Variants in SAXO1 observed in about 807,000 individuals in gnomAD.
SAXO1 encodes 4930500O09Rik.
SAXO1 carries 21 observed loss-of-function variants against 17.5 expected under a neutral mutation model. The observed-to-expected ratio is 1.20, with a 90% CI of 0.85 to 1.72. SAXO1 has a LOEUF of 1.72. Among genes scored for constraint, SAXO1 ranks in the 40% most tolerant of loss-of-function variants. The probability of loss-of-function intolerance (pLI) is 0.00; values close to 1 mark genes in which losing one functional copy is unlikely to be tolerated. For missense variants in SAXO1, 843 were observed against 596.0 expected, an observed-to-expected ratio of 1.41 and a Z score of -4.32; for synonymous variants, 274 against 216.5, an observed-to-expected ratio of 1.27 and a Z score of -2.33.
At chr9:19,002,471 T>A (rs1834317445) in intron 1 of SAXO1, among the ~76,000 whole-genome samples, 1 of 152,198 alleles carries the variant, frequency 6.6e-6, no homozygotes, top group Non-Finnish European at 1.5e-5. Flanking sequence ...ATATCCCTGA[T>A]GAACATCGAT....
At chr9:18,932,807 A>T (rs1932456) in intron 3 of SAXO1, among the ~76,000 whole-genome samples, 53 of 152,182 alleles carry the variant, frequency 3.5e-4, no homozygotes, top group African/African-American at 1.3e-3. Context: ...AAAAGAGAAC[A>T]GTTTTCTTGA....
intron 1 of SAXO1, chr9:19,026,930 T>G (rs1835498144): frequency 1.2e-6 from 1 of 822,700 alleles, no homozygotes; most frequent in South Asian, 1.3e-5. Flanking sequence ...AAGATGGAAC[T>G]GGGGTGGAGG....
intron 1 of SAXO1, among the ~76,000 whole-genome samples, chr9:19,002,452 T>C (rs940820463): frequency 3.3e-5 from 5 of 152,184 alleles, no homozygotes; most frequent in African/African-American, 1.2e-4. Context: ...AAAAGAGAAT[T>C]TTAGGCCAAT....
chr9:19,025,844 A>G (rs1835448819), intron 1 of SAXO1, among the ~76,000 whole-genome samples: 4 of 151,776 alleles, frequency 2.6e-5, no homozygotes, highest in Admixed American at 2.6e-4. Context: ...GAGATTTGCT[A>G]TTTATATTAC....
intron 1 of SAXO1, among the ~76,000 whole-genome samples, chr9:18,998,626 T>C (rs767095200): frequency 7.2e-5 from 11 of 152,094 alleles, no homozygotes; most frequent in Non-Finnish European, 1.6e-4. Flanking sequence ...ACCACAAAGA[T>C]ACTCCATGAG....
intron 1 of SAXO1, among the ~76,000 whole-genome samples, chr9:19,003,155 A>G (rs995700865): frequency 6.6e-6 from 1 of 152,218 alleles, no homozygotes; most frequent in Non-Finnish European, 1.5e-5. Flanking sequence ...TACTACAAAG[A>G]GAATAAAATA....
At chr9:19,024,484 C>T (rs111689755) in intron 1 of SAXO1, among the ~76,000 whole-genome samples, 4,215 of 152,084 alleles carry the variant, frequency 0.028, 87 homozygotes, top group Middle Eastern at 0.058. Flanking sequence ...AGGAGATATA[C>T]CTAATGCTAA....
chr9:19,044,371 A>C (rs1836151502), intron 1 of SAXO1, among the ~76,000 whole-genome samples: 1 of 152,214 alleles, frequency 6.6e-6, no homozygotes, highest in Admixed American at 6.5e-5. Context: ...CCATTTGAGC[A>C]TTTTAGATTA....
Position 19,019,327 on chromosome 9 carries a change from T to G in SAXO1, c.38+13544A>C, listed in dbSNP as rs115507971. On this transcript the variant is annotated intron_variant, in intron 1 of 3. Transcript: ENST00000380534. ...TTCTGTCTTTCCAGAAATCTAGGTTTCTAGTGTTGAAAGTGATCCTAGAGA... is the reference window on the plus strand; with the variant it reads ...TTCTGTCTTTCCAGAAATCTAGGTTGCTAGTGTTGAAAGTGATCCTAGAGA... 7.5e-3 allele frequency among the ~76,000 whole-genome samples: 1,144 copies of G among 152,296 alleles called. 14 individuals carry two copies. The highest frequency in any genetic ancestry group is 0.026 in the African/African-American group (1,077 of 41,548).
At chr9:19,023,622 CAT>C (rs1835342617) in intron 1 of SAXO1, among the ~76,000 whole-genome samples, 2 of 152,136 alleles carry the variant, frequency 1.3e-5, no homozygotes, top group Admixed American at 1.3e-4. Flanking sequence ...ATCACTTAAT[CAT>C]GTGTTAAATC....
At chr9:19,009,434 T>C (rs1208312704) in intron 1 of SAXO1, among the ~76,000 whole-genome samples, 3 of 152,122 alleles carry the variant, frequency 2.0e-5, no homozygotes, top group Non-Finnish European at 4.4e-5. Flanking sequence ...CCCGGAGATA[T>C]AGCCATGATG....
At chr9:18,957,256 C>T (rs994495783) in intron 1 of SAXO1, among the ~76,000 whole-genome samples, 1 of 152,202 alleles carries the variant, frequency 6.6e-6, no homozygotes, top group South Asian at 2.1e-4. Flanking sequence ...ACTTTCTTTG[C>T]TGCTTAAACG....
chr9:19,024,740 C>T (rs1257518500), intron 1 of SAXO1, among the ~76,000 whole-genome samples: 1 of 151,982 alleles, frequency 6.6e-6, no homozygotes, highest in Non-Finnish European at 1.5e-5. Context: ...TCACATCCTA[C>T]ATCACTTGTT....
chr9:18,927,932 TGAA>T lies in SAXO1; in HGVS notation c.*117_*119del. The T allele has an allele frequency of 8.9e-7, 1 of 1,119,930 alleles. No homozygotes were observed. The highest frequency in any genetic ancestry group is 1.3e-6 in the Non-Finnish European group (1 of 795,230). The allele number at this position is 1,119,930 out of a possible 1,614,324, so 69.4% of individuals were successfully genotyped here. A position where few individuals can be genotyped will look rare whatever the true frequency, so the allele number is the denominator to read the frequency against. The stretch of plus-strand genomic sequence containing the variant: ...TTTTATTCAAGTGCTCTGGAAGTGG[TGAA>T]GGTTTTTTGTTTTTTGTTTTTTGTC... On this transcript the variant is annotated 3_prime_UTR_variant, in exon 4 of 4. Transcript: ENST00000380534.
intron 1 of SAXO1, among the ~76,000 whole-genome samples, chr9:19,046,395 A>T (rs1392838835): frequency 6.6e-6 from 1 of 152,294 alleles, no homozygotes; most frequent in Middle Eastern, 3.4e-3. Context: ...TTACCAAAAA[A>T]ATATTTAAAA....
chr9:18,976,488 T>C (rs1188059554), intron 1 of SAXO1, among the ~76,000 whole-genome samples: 2 of 152,238 alleles, frequency 1.3e-5, no homozygotes, highest in Non-Finnish European at 2.9e-5. Context: ...ACATTTTAAG[T>C]GAAGTCCTGG....
At chr9:19,044,091 G>A (rs900455738) in intron 1 of SAXO1, among the ~76,000 whole-genome samples, 1 of 150,822 alleles carries the variant, frequency 6.6e-6, no homozygotes, top group South Asian at 2.1e-4. Context: ...GCTGCAGTGT[G>A]TCATGCCACT....
At chr9:18,967,318 C>T (rs1486365034) in intron 1 of SAXO1, among the ~76,000 whole-genome samples, 1 of 152,228 alleles carries the variant, frequency 6.6e-6, no homozygotes, top group African/African-American at 2.4e-5. Flanking sequence ...CAGGCAGGAA[C>T]ATTTAAGTCT....
chr9:18,942,288 C>A (rs1031865029), intron 2 of SAXO1, among the ~76,000 whole-genome samples: 1 of 152,198 alleles, frequency 6.6e-6, no homozygotes, highest in Non-Finnish European at 1.5e-5. Flanking sequence ...TAAAATTCAA[C>A]TTCCTGGCAT....
Sources: allele counts gnomAD v4.1 joint callset (sites outside exome capture counted in the v4.1 genomes callset), GRCh38; gene constraint gnomAD v4.1.1; transcripts MANE v1.5; gene names NCBI Gene and HGNC (gene_info 2026-07-23, HGNC 2026-07-21).